The following UGT2B7 variants were observed in gnomAD, a reference collection of about 807,000 sequenced individuals.
UGT2B7 encodes UDP glucuronosyltransferase family 2 member B7, also known as UDP-glucuronosyltransferase 2B7.
A neutral mutation model predicts 51.9 loss-of-function variants in UGT2B7; 51 were observed. The ratio of observed to expected loss-of-function variants is 0.98; its 90% CI spans 0.78 to 1.24. UGT2B7 has a LOEUF of 1.24. Among genes scored for constraint, UGT2B7 ranks in the 50% most tolerant of loss-of-function variants. UGT2B7 has a pLI of 0.00. For missense variants in UGT2B7, 727 were observed against 628.4 expected (o/e 1.16, Z -1.68); for synonymous variants, 225 against 211.6 (o/e 1.06, Z -0.55).
chr4:69,056,261 C>G (rs1380781871), intron 1 of UGT2B7, among the ~76,000 whole-genome samples: 2 of 152,148 alleles, frequency 1.3e-5, no homozygotes, highest in African/African-American at 4.8e-5. Context: ...CACAAGATGG[C>G]TCATGAAGAT....
intron 1 of UGT2B7, among the ~76,000 whole-genome samples, chr4:69,078,214 G>T (rs1012482003): frequency 6.6e-6 from 1 of 151,938 alleles, no homozygotes; most frequent in African/African-American, 2.4e-5. Flanking sequence ...ATTTTATTTA[G>T]GATTTTCAAA....
intron 1 of UGT2B7, chr4:69,051,700 G>C (rs1180135115): frequency 6.6e-6 from 1 of 152,198 alleles, no homozygotes; most frequent in African/African-American, 2.4e-5. Context: ...TTCTGGTTTT[G>C]ACTCGGCTTG....
intron 5 of UGT2B7, among the ~76,000 whole-genome samples, chr4:69,111,111 G>A (rs968774230): frequency 1.3e-5 from 2 of 151,996 alleles, no homozygotes; most frequent in African/African-American, 2.4e-5. Flanking sequence ...GCGGGAGAGA[G>A]GGGAAAAAAA....
At chr4:69,099,611 C>G (rs1446633781) in intron 2 of UGT2B7, among the ~76,000 whole-genome samples, 2 of 151,862 alleles carry the variant, frequency 1.3e-5, no homozygotes, top group African/African-American at 4.8e-5. Flanking sequence ...TCATTATGCC[C>G]ACATTTACAA....
At chr4:69,102,784 T>C in intron 2 of UGT2B7, 23 bp from the exon 3 acceptor site, 4 of 1,609,814 alleles carry the variant, frequency 2.5e-6, no homozygotes, top group Non-Finnish European at 3.4e-6. Flanking sequence ...TCTTTTGTGA[T>C]GAAGCAAATT....
Position 69,082,943 on chromosome 4 carries a change from G to T in UGT2B7, c.-158-6529G>T, listed in dbSNP as rs540430232. Among the ~76,000 whole-genome samples, 8 of 152,200 alleles carry T rather than the reference G, an allele frequency of 5.3e-5. No individual in the cohort carries two copies. The East Asian group carries it at 1.5e-3, about 29-fold the overall frequency. On this transcript the variant is annotated intron_variant, in intron 1 of 5. Coordinates refer to the UGT2B7 transcript ENST00000502942. ...CGTTAGTGGCTAATTCAGCTGGTGAGTTTAGTTGAAGCCAATGTTCATTTA... is the reference window on the plus strand; with the variant it reads ...CGTTAGTGGCTAATTCAGCTGGTGATTTTAGTTGAAGCCAATGTTCATTTA...
chr4:69,090,314 C>T (rs554059510), intron 2 of UGT2B7, among the ~76,000 whole-genome samples: 1 of 151,882 alleles, frequency 6.6e-6, no homozygotes, highest in Non-Finnish European at 1.5e-5. Context: ...ATTAGTTTTG[C>T]CTATTAAATT....
chr4:69,108,515 G>A (rs1259609211), intron 5 of UGT2B7, among the ~76,000 whole-genome samples, 193 bp downstream of exon 5: 5 of 151,828 alleles, frequency 3.3e-5, no homozygotes, highest in Non-Finnish European at 4.4e-5. Flanking sequence ...CTAAAGAATA[G>A]CCAGTTAGTG....
intron 1 of UGT2B7, among the ~76,000 whole-genome samples, chr4:69,064,112 A>AGAG (rs1718433031): frequency 1.2e-5 from 1 of 86,802 alleles, no homozygotes. Flanking sequence ...GAAAGAAAGA[A>AGAG]AAAGAAAGAA....
rs567765323 is a variant in UGT2B7 at position 69,075,510 on chromosome 4, G to T, written c.-158-13962G>T. On this transcript the variant is annotated intron_variant, in intron 1 of 5. Transcript: ENST00000502942. Reference sequence around the variant, plus strand: ...ATTTCAAGGAGAGATGCAAAGAGGAGACTAAAGTCATGATTATTCAGTCTC... The same window carrying T: ...ATTTCAAGGAGAGATGCAAAGAGGATACTAAAGTCATGATTATTCAGTCTC... Among the ~76,000 whole-genome samples, 3 of 152,026 alleles carry T rather than the reference G, an allele frequency of 2.0e-5. No homozygotes were observed. In the South Asian group the frequency reaches 6.2e-4, roughly 31 times the overall value.
chr4:69,103,947 T>A (rs950042241), intron 3 of UGT2B7, among the ~76,000 whole-genome samples: 10 of 152,096 alleles, frequency 6.6e-5, no homozygotes, highest in African/African-American at 2.4e-4. Flanking sequence ...CCAACACATG[T>A]GAGGAGTAGG....
In UGT2B7 at chr4:69,071,232, C is replaced by T. The variant is rs116565560; in HGVS notation, c.-158-18240C>T. Among the ~76,000 whole-genome samples, 1,075 of 152,176 alleles carry T rather than the reference C, an allele frequency of 7.1e-3. 11 individuals are homozygous for T. The highest frequency in any genetic ancestry group is 0.02 in the African/African-American group (842 of 41,540). On this transcript the variant is annotated intron_variant, in intron 1 of 5. Coordinates refer to the UGT2B7 transcript ENST00000502942. ...TTTCTCTCTTGAAATATGATCTCAC[C>T]TTTCTTGCCCTCACCTTGTCAAGTA...
intron 1 of UGT2B7, among the ~76,000 whole-genome samples, chr4:69,053,602 C>G (rs1718098994): frequency 6.6e-6 from 1 of 152,190 alleles, no homozygotes; most frequent in Non-Finnish European, 1.5e-5. Flanking sequence ...GCCAAGCTCT[C>G]TCTGCTATAT....
chr4:69,110,369 A>T (rs796569449), intron 5 of UGT2B7, among the ~76,000 whole-genome samples: 10 of 152,176 alleles, frequency 6.6e-5, no homozygotes, highest in African/African-American at 2.2e-4. Flanking sequence ...AATTTTAGAG[A>T]TCAAGAGGTG....
chr4:69,103,635 G>A (rs556621330), intron 3 of UGT2B7, among the ~76,000 whole-genome samples: 8 of 152,156 alleles, frequency 5.3e-5, no homozygotes, highest in Non-Finnish European at 7.4e-5. Context: ...AGAAATACAA[G>A]TAAAATTTTT....
intron 2 of UGT2B7, among the ~76,000 whole-genome samples, chr4:69,090,281 T>G (rs551917079): frequency 6.6e-6 from 1 of 152,102 alleles, no homozygotes; most frequent in Non-Finnish European, 1.5e-5. Flanking sequence ...AATAAAAGCA[T>G]GTATGCTAAT....
chr4:69,088,590 TA>T (rs1719016671), intron 1 of UGT2B7, among the ~76,000 whole-genome samples: 1 of 152,136 alleles, frequency 6.6e-6, no homozygotes, highest in Non-Finnish European at 1.5e-5. Flanking sequence ...CTGGGAATTA[TA>T]AAAATACCTG....
At chr4:69,107,309 T>G in intron 4 of UGT2B7, 47 bp downstream of exon 4, 1 of 1,538,886 alleles carries the variant, frequency 6.5e-7, no homozygotes, top group South Asian at 1.2e-5. Flanking sequence ...AACAGCACAT[T>G]AGAGTGTTAA....
chr4:69,069,870 A>G (rs1718563866), intron 1 of UGT2B7: 3 of 152,080 alleles, frequency 2.0e-5, no homozygotes, highest in Admixed American at 1.3e-4. Context: ...TAAGGCGAGA[A>G]AGAAAGAAAA....
Sources: allele counts gnomAD v4.1 joint callset (sites outside exome capture counted in the v4.1 genomes callset), GRCh38; gene constraint gnomAD v4.1.1; transcripts MANE v1.5; gene names NCBI Gene and HGNC (gene_info 2026-07-23, HGNC 2026-07-21).